The following SMC4 variants were observed in gnomAD, a reference collection of about 807,000 sequenced individuals.
SMC4 encodes the protein structural maintenance of chromosomes 4.
A neutral mutation model predicts 145.6 loss-of-function variants in SMC4; 87 were observed. The observed-to-expected ratio is 0.60, with a 90% confidence interval of 0.50 to 0.71. The LOEUF is 0.71. Ranked by LOEUF, SMC4 falls within the 30% of genes least tolerant of loss-of-function variation. SMC4 has a pLI of 0.00. For synonymous variants in SMC4, 558 were observed against 500.7 expected (o/e 1.11, Z -1.53); for missense variants, 1,447 against 1,537.1 (o/e 0.94, Z 0.98).
chr3:160,429,013 T>A, intron 18 of SMC4, 71 bp downstream of exon 18: 1 of 1,230,644 alleles, frequency 8.1e-7, no homozygotes, highest in Non-Finnish European at 1.1e-6. Context: ...GGTTACTATG[T>A]AATGTTCCAT....
chr3:160,425,107 T>C, intron 16 of SMC4, 88 bp downstream of exon 16: 1 of 1,443,430 alleles, frequency 6.9e-7, no homozygotes, highest in Non-Finnish European at 9.2e-7. Context: ...TGCTATTTGC[T>C]TACAATTTAT....
chr3:160,433,609 AT>A, intron 23 of SMC4, 47 bp from the exon 24 acceptor site: 1 of 1,183,586 alleles, frequency 8.4e-7, no homozygotes. Context: ...TGTTTGTGTG[AT>A]TTACCTGTTA....
At chr3:160,414,098 T>C (rs371283421) in intron 8 of SMC4, 6 of 453,144 alleles carry the variant, frequency 1.3e-5, no homozygotes, top group East Asian at 5.8e-5. Context: ...ACTCCTATGG[T>C]AAAATTTTTA....
intron 16 of SMC4, 139 bp from the exon 17 acceptor site, chr3:160,425,935 T>C: frequency 1.6e-6 from 1 of 615,464 alleles, no homozygotes; most frequent in Non-Finnish European, 2.8e-6. Context: ...TTTCATTTTT[T>C]ATATCAATGG....
intron 5 of SMC4, among the ~76,000 whole-genome samples, chr3:160,405,622 C>T (rs1715245212): frequency 2.0e-5 from 3 of 151,930 alleles, no homozygotes; most frequent in Admixed American, 2.0e-4. Flanking sequence ...TCTAGGATAA[C>T]CTTTTTTAAT....
At chr3:160,426,442 A>G (rs1164334925) in intron 17 of SMC4, among the ~76,000 whole-genome samples, 1 of 152,194 alleles carries the variant, frequency 6.6e-6, no homozygotes, top group Non-Finnish European at 1.5e-5. Flanking sequence ...TTTTGAGTCC[A>G]TGCTTTTAAT....
intron 2 of SMC4, among the ~76,000 whole-genome samples, chr3:160,401,647 A>G (rs750896681): frequency 2.2e-4 from 33 of 152,178 alleles, no homozygotes; most frequent in Non-Finnish European, 4.4e-4. Flanking sequence ...GACTCTTAAG[A>G]GGTATAGGTG....
intron 5 of SMC4, chr3:160,404,705 A>G: frequency 2.8e-6 from 2 of 715,056 alleles, no homozygotes; most frequent in Non-Finnish European, 2.6e-6. Flanking sequence ...TGTTTTCATC[A>G]TCAGATGTTC....
At chr3:160,431,976 G>A (rs991371181) in intron 21 of SMC4, 151 bp downstream of exon 21, 1 of 784,520 alleles carries the variant, frequency 1.3e-6, no homozygotes, top group Non-Finnish European at 2.0e-6. Flanking sequence ...CCAAAGGCGG[G>A]TGGATCACAA....
chr3:160,432,347 G>C lies in SMC4; in HGVS notation c.3362G>C (p.Arg1121Thr). The change falls in exon 22 of 24, where the codon AGA becomes ACA. Residue 1121 changes from arginine (R) to threonine (T), a missense_variant. Physicochemically the swap from Arg to Thr is moderately conservative, Grantham distance 71. Coordinates refer to ENST00000357388, the MANE Select transcript of SMC4 (RefSeq NM_001002800.3). ...ATTACTTATGAAAGAGACAGTTTTA[G>C]ACAGGCATATGAAGATCTTCGGAAA... Reference protein sequence around the residue: ...DKITYERDSFRQAYEDLRKQR... With the variant: ...DKITYERDSFTQAYEDLRKQR... The C allele has an allele frequency of 6.2e-7, 1 of 1,613,908 alleles. No homozygotes were observed. Among genetic ancestry groups the C allele is most frequent in the Non-Finnish European group, 8.5e-7 (1 of 1,179,922 alleles).
At chr3:160,414,974 G>C (rs925742593) in intron 9 of SMC4, among the ~76,000 whole-genome samples, 1 of 152,136 alleles carries the variant, frequency 6.6e-6, no homozygotes, top group African/African-American at 2.4e-5. Context: ...TTTTCCTAAA[G>C]TAGTAGTTTT....
At chr3:160,405,649 C>T (rs1388242712) in intron 5 of SMC4, among the ~76,000 whole-genome samples, 1 of 151,844 alleles carries the variant, frequency 6.6e-6, no homozygotes, top group African/African-American at 2.4e-5. Context: ...TGTTACCAGG[C>T]ACAGTATATT....
intron 17 of SMC4, 109 bp downstream of exon 17, chr3:160,426,309 C>G: frequency 3.8e-6 from 3 of 793,734 alleles, no homozygotes; most frequent in Non-Finnish European, 6.3e-6. Context: ...ATATGCAAGT[C>G]ATTGCACTAT....
rs535779321 is a variant in SMC4 at position 160,434,766 on chromosome 3, G to A, written c.*957G>A. On this transcript the variant is annotated 3_prime_UTR_variant, in exon 24 of 24. Transcript: ENST00000357388. ...AAGGACTTTCGGTATTGTATTAGAA[G>A]TCTGCCCTAGCTGTTAAATTTCTGG... is the stretch of plus-strand genomic sequence containing the variant. 1.3e-5 allele frequency: 2 copies of A among 152,304 alleles called. No individual in the cohort carries two copies. The highest frequency in any genetic ancestry group is 2.4e-5 in the African/African-American group (1 of 41,560). 9.4% of individuals were successfully genotyped at this position (152,304 alleles called of 1,614,324 possible).
intron 4 of SMC4, among the ~76,000 whole-genome samples, chr3:160,403,751 T>G (rs1559988373): frequency 6.6e-6 from 1 of 152,130 alleles, no homozygotes; most frequent in Non-Finnish European, 1.5e-5. Flanking sequence ...ACAGAACTTT[T>G]AAGGTTAAGG....
intron 13 of SMC4, among the ~76,000 whole-genome samples, chr3:160,422,948 C>T (rs1422293151): frequency 6.6e-6 from 1 of 152,106 alleles, no homozygotes. Flanking sequence ...TTGAAACCAC[C>T]CAACCATTAA....
chr3:160,422,591 A>G (rs1717297927), intron 13 of SMC4, among the ~76,000 whole-genome samples: 1 of 152,094 alleles, frequency 6.6e-6, no homozygotes, highest in African/African-American at 2.4e-5. Context: ...CTCTTGTGAG[A>G]TATGATTTAC....
At chr3:160,411,864 A>T in intron 5 of SMC4, 56 bp from the exon 6 acceptor site, 2 of 1,462,666 alleles carry the variant, frequency 1.4e-6, no homozygotes, top group Non-Finnish European at 1.9e-6. Flanking sequence ...ATTCTCACTT[A>T]AGATTGATTT....
intron 5 of SMC4, chr3:160,404,935 TA>T: frequency 5.9e-6 from 2 of 338,974 alleles, no homozygotes; most frequent in Non-Finnish European, 1.2e-5. Flanking sequence ...TTGTTCTTAT[TA>T]TCTCTTCTGA....
Sources: allele counts gnomAD v4.1 joint callset (sites outside exome capture counted in the v4.1 genomes callset), GRCh38; gene constraint gnomAD v4.1.1; transcripts MANE v1.5; gene names NCBI Gene and HGNC (gene_info 2026-07-23, HGNC 2026-07-21).